STXBP6: variants seen among roughly 807,000 people sequenced by gnomAD.
STXBP6 encodes syntaxin binding protein 6, also known as syntaxin-binding protein 6.
In STXBP6, 21 loss-of-function variants were observed where a neutral mutation model predicts 26.9. The ratio of observed to expected loss-of-function variants is 0.78; its 90% CI spans 0.55 to 1.12. The LOEUF (loss-of-function observed/expected upper bound fraction) is 1.12. STXBP6 is among the 50% of genes most tolerant of loss of function. The pLI is 0.00. For missense variants in STXBP6, 232 were observed against 257.9 expected, an observed-to-expected ratio of 0.90 and a Z score of 0.69; for synonymous variants, 97 against 92.6, an observed-to-expected ratio of 1.05 and a Z score of -0.27.
intron 1 of STXBP6, among the ~76,000 whole-genome samples, chr14:25,018,166 G>A (rs979774640): frequency 2.6e-5 from 4 of 152,192 alleles, no homozygotes; most frequent in East Asian, 3.9e-4. Context: ...CCTCCAGTGT[G>A]CATAAATAGG....
intron 2 of STXBP6, among the ~76,000 whole-genome samples, chr14:24,893,336 T>C (rs1457427446): frequency 3.3e-5 from 5 of 152,280 alleles, no homozygotes. Flanking sequence ...CCTAAAGAAC[T>C]TACCACTTAA....
intron 1 of STXBP6, among the ~76,000 whole-genome samples, chr14:25,025,037 T>C (rs2075324578): frequency 6.6e-6 from 1 of 152,206 alleles, no homozygotes; most frequent in South Asian, 2.1e-4. Context: ...CTAACAGTTC[T>C]AATCAGCCTG....
chr14:24,830,002 A>C (rs1219209758), intron 4 of STXBP6, among the ~76,000 whole-genome samples: 3 of 152,196 alleles, frequency 2.0e-5, no homozygotes, highest in Non-Finnish European at 4.4e-5. Context: ...TTTGAAAGCC[A>C]TATCTGAAGA....
At chr14:24,933,128 C>CACGAGG (rs1353307671) in intron 2 of STXBP6, among the ~76,000 whole-genome samples, 2 of 152,246 alleles carry the variant, frequency 1.3e-5, no homozygotes, top group South Asian at 2.1e-4. Flanking sequence ...ATTGCTTGAT[C>CACGAGG]TCAGGAGTTT....
intron 2 of STXBP6, among the ~76,000 whole-genome samples, chr14:24,911,290 T>G (rs1233413263): frequency 6.6e-6 from 1 of 151,720 alleles, no homozygotes; most frequent in African/African-American, 2.4e-5. Flanking sequence ...CAAGCCATGT[T>G]TGTGCTACTG....
intron 1 of STXBP6, among the ~76,000 whole-genome samples, chr14:25,015,334 G>A (rs893372220): frequency 2.0e-5 from 3 of 152,000 alleles, no homozygotes; most frequent in African/African-American, 4.8e-5. Context: ...TAATGAAGGG[G>A]CCTCTTGTGC....
At chr14:25,036,995 A>G (rs558265603) in intron 1 of STXBP6, among the ~76,000 whole-genome samples, 2 of 152,346 alleles carry the variant, frequency 1.3e-5, no homozygotes, top group Non-Finnish European at 2.9e-5. Flanking sequence ...ATTATTCATC[A>G]GCATATCTTT....
intron 2 of STXBP6, among the ~76,000 whole-genome samples, chr14:24,934,093 A>C (rs575795836): frequency 6.6e-6 from 1 of 152,300 alleles, no homozygotes; most frequent in African/African-American, 2.4e-5. Flanking sequence ...CCCACAAAAG[A>C]TAACTGTTAC....
At chr14:25,022,744 A>T (rs969059232) in intron 1 of STXBP6, among the ~76,000 whole-genome samples, 1 of 152,136 alleles carries the variant, frequency 6.6e-6, no homozygotes, top group Non-Finnish European at 1.5e-5. Context: ...TTCCTAGGTG[A>T]TCTCATCCAA....
chr14:24,947,890 T>TA (rs2073043541), intron 2 of STXBP6, among the ~76,000 whole-genome samples: 1 of 152,192 alleles, frequency 6.6e-6, no homozygotes, highest in Non-Finnish European at 1.5e-5. Context: ...TATCATCTTG[T>TA]TATATAAACT....
Position 24,822,006 on chromosome 14 carries a change from T to G in STXBP6, c.452-2812A>C, listed in dbSNP as rs547793388. On this transcript the variant is annotated intron_variant, in intron 4 of 5. Transcript: ENST00000323944. ...TCTACAGACTCTCTCTGGAGCAATC[T>G]CATCCAGCTCCTGACTTCCATAACC... Among the ~76,000 whole-genome samples, 55 of 152,168 alleles carry G rather than the reference T, an allele frequency of 3.6e-4. 1 individual carries two copies. Among genetic ancestry groups the G allele is most frequent in the Non-Finnish European group, 1.8e-4 (12 of 68,022 alleles).
At chr14:24,918,025 C>A (rs1309978142) in intron 2 of STXBP6, among the ~76,000 whole-genome samples, 2 of 151,980 alleles carry the variant, frequency 1.3e-5, no homozygotes, top group Admixed American at 1.3e-4. Context: ...TCACAAAAGG[C>A]TGTATGGTTC....
chr14:24,898,832 G>A (rs1365787229), intron 2 of STXBP6, among the ~76,000 whole-genome samples: 2 of 152,120 alleles, frequency 1.3e-5, no homozygotes, highest in African/African-American at 4.8e-5. Context: ...TTATACACAA[G>A]TATGTGTATA....
intron 2 of STXBP6, among the ~76,000 whole-genome samples, chr14:24,858,505 A>G (rs1281046121): frequency 6.6e-6 from 1 of 152,140 alleles, no homozygotes; most frequent in Non-Finnish European, 1.5e-5. Context: ...ATTTGCTAAA[A>G]ACTTCTGAAT....
chr14:24,968,100 T>C (rs939832343), intron 2 of STXBP6, among the ~76,000 whole-genome samples: 4 of 151,198 alleles, frequency 2.6e-5, no homozygotes, highest in Admixed American at 6.6e-5. Context: ...ATAAGATGAA[T>C]ACTTTTAACT....
At chr14:24,976,156 G>A (rs2004925) in intron 1 of STXBP6, among the ~76,000 whole-genome samples, 78,486 of 152,084 alleles carry the variant, frequency 0.52, 22,848 homozygotes, top group African/African-American at 0.81. Context: ...TTCTCCAGGA[G>A]TTGACTGCTA....
At chr14:24,994,901 T>C (rs959081214) in intron 1 of STXBP6, 1 of 150,538 alleles carries the variant, frequency 6.6e-6, no homozygotes, top group African/African-American at 2.4e-5. Context: ...CCCAGCTACT[T>C]GGGAGGCTGA....
chr14:24,992,037 A>G (rs1180177257), intron 1 of STXBP6, among the ~76,000 whole-genome samples: 1 of 152,202 alleles, frequency 6.6e-6, no homozygotes, highest in East Asian at 1.9e-4. Flanking sequence ...TGTGCCAAGC[A>G]CATTGTAGGG....
chr14:24,850,388 A>G (rs1312443503), intron 4 of STXBP6, among the ~76,000 whole-genome samples: 1 of 152,070 alleles, frequency 6.6e-6, no homozygotes, highest in African/African-American at 2.4e-5. Context: ...GCTTTATACT[A>G]TCATCTGAAG....
Sources: allele counts gnomAD v4.1 joint callset (sites outside exome capture counted in the v4.1 genomes callset), GRCh38; gene constraint gnomAD v4.1.1; transcripts MANE v1.5; gene names NCBI Gene and HGNC (gene_info 2026-07-23, HGNC 2026-07-21).